CIROZ: variants seen among roughly 807,000 people sequenced by gnomAD.
The protein encoded by CIROZ is ciliated left-right organizer ZP-N domains-containing protein.
At chr1:10,981,097 T>C in the CIROZ span, among the ~76,000 whole-genome samples, 2 of 152,324 alleles carry the variant, frequency 1.3e-5, no homozygotes, top group East Asian at 3.9e-4. Context: ...CTTTTTAAAG[T>C]ATCTCTTAAA....
the CIROZ span, among the ~76,000 whole-genome samples, chr1:10,956,332 A>C: frequency 6.6e-6 from 1 of 152,078 alleles, no homozygotes; most frequent in Admixed American, 6.5e-5. Context: ...GGGGGTCCCC[A>C]CCACCCTCAG....
chr1:10,957,845 G>A, the CIROZ span: 2 of 1,403,244 alleles, frequency 1.4e-6, no homozygotes, highest in East Asian at 2.3e-5. Flanking sequence ...GGTCACCTAG[G>A]AAGGCAACAG....
chr1:10,958,497 T>G, the CIROZ span, among the ~76,000 whole-genome samples: 2 of 152,074 alleles, frequency 1.3e-5, no homozygotes, highest in Non-Finnish European at 2.9e-5. Flanking sequence ...CTCTTCAAGA[T>G]TGTTCTCAGA....
chr1:10,964,934 G>C, the CIROZ span, among the ~76,000 whole-genome samples: 2 of 152,138 alleles, frequency 1.3e-5, no homozygotes, highest in African/African-American at 4.8e-5. Flanking sequence ...CCCAGCCAAG[G>C]CTGGGTTTAT....
chr1:10,972,751 T>C, the CIROZ span, among the ~76,000 whole-genome samples: 1 of 152,070 alleles, frequency 6.6e-6, no homozygotes, highest in African/African-American at 2.4e-5. Flanking sequence ...TGAAAGCAAC[T>C]GGGAAGTAAA....
the CIROZ span, chr1:10,953,888 T>C: frequency 1.7e-4 from 227 of 1,314,458 alleles, 1 homozygote; most frequent in Non-Finnish European, 2.3e-4. Context: ...ACTTACCTTG[T>C]AGGTGTGGGA....
At chr1:10,949,605 G>T in the CIROZ span, 1 of 1,590,426 alleles carries the variant, frequency 6.3e-7, no homozygotes, top group Non-Finnish European at 8.6e-7. Flanking sequence ...ATGGGCAGAG[G>T]ATGCAGCCAT....
the CIROZ span, chr1:10,957,663 T>C: frequency 3.7e-6 from 6 of 1,614,148 alleles, no homozygotes; most frequent in African/African-American, 8.0e-5. Flanking sequence ...ACGGTGACAG[T>C]GGTGGCATTC....
At chr1:10,954,003 A>G in the CIROZ span, 11 of 1,605,508 alleles carry the variant, frequency 6.9e-6, no homozygotes, top group African/African-American at 1.3e-5. Context: ...TCACACCCTC[A>G]TGGTGCCTCA....
chr1:10,958,814 C>T, the CIROZ span: 6 of 1,571,606 alleles, frequency 3.8e-6, no homozygotes, highest in African/African-American at 8.1e-5. Flanking sequence ...AGCAAACATC[C>T]CTGCCTGTGC....
At chr1:10,967,841 G>A in the CIROZ span, among the ~76,000 whole-genome samples, 1 of 152,150 alleles carries the variant, frequency 6.6e-6, no homozygotes, top group Non-Finnish European at 1.5e-5. Context: ...GGGAGTGGTG[G>A]CAGGCACCTG....
the CIROZ span, among the ~76,000 whole-genome samples, chr1:10,973,574 A>C: frequency 6.6e-6 from 1 of 152,122 alleles, no homozygotes; most frequent in African/African-American, 2.4e-5. Context: ...CCACGAGGAA[A>C]GGGCACCTAG....
chr1:10,947,255 T>G, the CIROZ span, among the ~76,000 whole-genome samples: 4 of 152,196 alleles, frequency 2.6e-5, no homozygotes, highest in Non-Finnish European at 5.9e-5. Context: ...CTCACCCTGA[T>G]GCTTCACCAC....
the CIROZ span, chr1:10,954,026 C>T: frequency 1.2e-6 from 2 of 1,611,744 alleles, no homozygotes; most frequent in Middle Eastern, 1.7e-4. Context: ...CACCCACACA[C>T]TGGAAGAAGC....
the CIROZ span, chr1:10,948,921 C>T: frequency 2.2e-6 from 3 of 1,380,360 alleles, no homozygotes; most frequent in Non-Finnish European, 1.9e-6. Flanking sequence ...CTGAGAATCT[C>T]AACCCAAAGA....
chr1:10,953,961 G>A, the CIROZ span: 21 of 1,554,852 alleles, frequency 1.4e-5, no homozygotes, highest in African/African-American at 2.7e-4. Flanking sequence ...CAAGGAAAGA[G>A]GGTTTGTGTG....
At chr1:10,948,704 T>C in the CIROZ span, 1 of 1,583,992 alleles carries the variant, frequency 6.3e-7, no homozygotes, top group Non-Finnish European at 8.6e-7. Flanking sequence ...TGGCTGGAGG[T>C]GTGGGGTGTC....
the CIROZ span, among the ~76,000 whole-genome samples, chr1:10,953,588 A>C: frequency 1.3e-5 from 2 of 152,208 alleles, no homozygotes; most frequent in Non-Finnish European, 2.9e-5. Flanking sequence ...GGATAAATGG[A>C]AACAGCTCTT....
chr1:10,955,859 A>AG, the CIROZ span, among the ~76,000 whole-genome samples: 968 of 151,878 alleles, frequency 6.4e-3, 16 homozygotes, highest in African/African-American at 0.021. Flanking sequence ...AAAAAAAAAA[A>AG]AAAGAAAGAA....
Sources: allele counts gnomAD v4.1 joint callset (sites outside exome capture counted in the v4.1 genomes callset), GRCh38; gene constraint gnomAD v4.1.1; transcripts MANE v1.5; gene names NCBI Gene and HGNC (gene_info 2026-07-23, HGNC 2026-07-21).